ARHGAP42: variants seen among roughly 807,000 people sequenced by gnomAD.
ARHGAP42 encodes rho GTPase-activating protein 42.
ARHGAP42 carries 63 observed loss-of-function variants against 125.0 expected under a neutral mutation model. The ratio of observed to expected loss-of-function variants is 0.50; its 90% CI spans 0.41 to 0.62. The LOEUF (loss-of-function observed/expected upper bound fraction) is 0.62, where lower values mean the gene tolerates loss of function less well. Among genes scored for constraint, ARHGAP42 ranks in the 20% least tolerant of loss-of-function variants. The pLI is 0.00. For missense variants in ARHGAP42, 766 were observed against 1,024.2 expected (o/e 0.75, Z 3.44); for synonymous variants, 339 against 351.0 (o/e 0.97, Z 0.38).
chr11:100,875,260 A>C (rs1423896973), intron 4 of ARHGAP42, among the ~76,000 whole-genome samples: 1 of 150,754 alleles, frequency 6.6e-6, no homozygotes, highest in East Asian at 1.9e-4. Context: ...TAAAGTTTTC[A>C]GACTTTATTT....
At chr11:100,978,915 T>A in intron 21 of ARHGAP42, 72 bp from the exon 22 acceptor site, 2 of 1,455,662 alleles carry the variant, frequency 1.4e-6, no homozygotes, top group Non-Finnish European at 1.9e-6. Flanking sequence ...TAACTGGCAA[T>A]CATGAATTTC....
chr11:100,840,671 G>A (rs1864923865), intron 3 of ARHGAP42: 1 of 152,198 alleles, frequency 6.6e-6, no homozygotes, highest in East Asian at 1.9e-4. Flanking sequence ...TTTAAAGCAA[G>A]GTAATTGAAG....
At chr11:100,850,026 C>T (rs1865164585) in intron 3 of ARHGAP42, among the ~76,000 whole-genome samples, 1 of 152,058 alleles carries the variant, frequency 6.6e-6, no homozygotes, top group African/African-American at 2.4e-5. Flanking sequence ...TTACTGTAGC[C>T]GTGCTGATCC....
At chr11:100,951,382 A>G (rs1437179957) in intron 12 of ARHGAP42, among the ~76,000 whole-genome samples, 2 of 152,160 alleles carry the variant, frequency 1.3e-5, no homozygotes, top group East Asian at 3.9e-4. Context: ...AGAGTTTTGT[A>G]TGTACTGAAT....
intron 1 of ARHGAP42, among the ~76,000 whole-genome samples, chr11:100,769,134 T>C (rs1358082038): frequency 6.6e-6 from 1 of 152,130 alleles, no homozygotes; most frequent in Admixed American, 6.6e-5. Context: ...ATAGAAGAGG[T>C]ACAGTAAAGA....
chr11:100,766,179 C>A (rs1410765799), intron 1 of ARHGAP42, among the ~76,000 whole-genome samples: 2 of 151,428 alleles, frequency 1.3e-5, no homozygotes. Context: ...TGTGAAGACA[C>A]TTGATGCTTA....
chr11:100,721,163 A>G (rs1333855978), intron 1 of ARHGAP42, among the ~76,000 whole-genome samples: 1 of 152,166 alleles, frequency 6.6e-6, no homozygotes. Context: ...CTACAACTGG[A>G]TGGGTTTTGG....
intron 4 of ARHGAP42, among the ~76,000 whole-genome samples, chr11:100,899,174 A>G (rs1462660603): frequency 6.6e-6 from 1 of 152,176 alleles, no homozygotes; most frequent in Admixed American, 6.5e-5. Context: ...CTTAATCCTG[A>G]GTTCTAATTC....
chr11:100,763,034 C>A (rs1862745985), intron 1 of ARHGAP42, among the ~76,000 whole-genome samples: 1 of 127,520 alleles, frequency 7.8e-6, no homozygotes, highest in African/African-American at 3.0e-5. Flanking sequence ...GGCTAGAGTG[C>A]AATGGCATGA....
chr11:100,983,568 A>G (rs1201895700), intron 22 of ARHGAP42, among the ~76,000 whole-genome samples: 1 of 152,182 alleles, frequency 6.6e-6, no homozygotes, highest in Non-Finnish European at 1.5e-5. Context: ...TGTTGCTATC[A>G]TAGTGCCCAA....
chr11:100,965,958 A>G (rs1389066273), intron 17 of ARHGAP42, among the ~76,000 whole-genome samples, 182 bp downstream of exon 17: 1 of 152,202 alleles, frequency 6.6e-6, no homozygotes, highest in Non-Finnish European at 1.5e-5. Flanking sequence ...GTGTACCTGT[A>G]TATGTTTATT....
At chr11:100,751,468 T>A (rs1268781018) in intron 1 of ARHGAP42, among the ~76,000 whole-genome samples, 2 of 151,830 alleles carry the variant, frequency 1.3e-5, no homozygotes, top group Non-Finnish European at 2.9e-5. Flanking sequence ...TTTTTTATTT[T>A]TTTTTTTCTG....
At chr11:100,720,840 A>G (rs943562162) in intron 1 of ARHGAP42, among the ~76,000 whole-genome samples, 4 of 152,198 alleles carry the variant, frequency 2.6e-5, no homozygotes, top group Non-Finnish European at 4.4e-5. Context: ...AACGTACTCA[A>G]AAATGAATAT....
chr11:100,911,731 C>T (rs1866924584), intron 4 of ARHGAP42, among the ~76,000 whole-genome samples: 1 of 152,116 alleles, frequency 6.6e-6, no homozygotes, highest in African/African-American at 2.4e-5. Context: ...GCCTCTCTAT[C>T]CTGAACCTTG....
intron 3 of ARHGAP42, among the ~76,000 whole-genome samples, chr11:100,818,157 G>C (rs951224714): frequency 1.3e-5 from 2 of 152,098 alleles, no homozygotes; most frequent in Non-Finnish European, 2.9e-5. Flanking sequence ...CTTCCATCCT[G>C]CTTCCTCCAA....
chr11:100,894,249 A>G (rs935628172), intron 4 of ARHGAP42, among the ~76,000 whole-genome samples: 1 of 152,238 alleles, frequency 6.6e-6, no homozygotes, highest in Non-Finnish European at 1.5e-5. Context: ...CGGACTTGGC[A>G]TAGTTGTAAA....
intron 8 of ARHGAP42, among the ~76,000 whole-genome samples, chr11:100,941,218 G>C (rs1219032691): frequency 2.6e-5 from 4 of 152,118 alleles, no homozygotes; most frequent in African/African-American, 9.7e-5. Context: ...AGTGTAGCTG[G>C]AGCTGAGTGC....
chr11:100,957,787 T>G (rs1320891592), intron 12 of ARHGAP42, among the ~76,000 whole-genome samples: 1 of 152,100 alleles, frequency 6.6e-6, no homozygotes, highest in Non-Finnish European at 1.5e-5. Context: ...ATGATGAGCT[T>G]GTGATATCAG....
chr11:100,710,765 T>C (rs1239309552), intron 1 of ARHGAP42, among the ~76,000 whole-genome samples: 1 of 152,118 alleles, frequency 6.6e-6, no homozygotes, highest in Non-Finnish European at 1.5e-5. Flanking sequence ...GGTCTTGATC[T>C]CCTGATCTTG....
Sources: allele counts gnomAD v4.1 joint callset (sites outside exome capture counted in the v4.1 genomes callset), GRCh38; gene constraint gnomAD v4.1.1; transcripts MANE v1.5; gene names NCBI Gene and HGNC (gene_info 2026-07-23, HGNC 2026-07-21).